The following CCDC178 variants were observed in gnomAD, a reference collection of about 807,000 sequenced individuals.
The protein encoded by CCDC178 is coiled-coil domain-containing protein 178.
In CCDC178, 126 loss-of-function variants were observed where a neutral mutation model predicts 117.4. The observed-to-expected ratio is 1.07, with a 90% CI of 0.93 to 1.24. The LOEUF is 1.24. Ranked by LOEUF, CCDC178 falls within the 50% of genes most tolerant of loss-of-function variation. CCDC178 has a pLI of 0.00. For synonymous variants in CCDC178, 283 were observed against 313.4 expected (o/e 0.90, Z 1.02); for missense variants, 1,030 against 986.9 (o/e 1.04, Z -0.59).
intron 21 of CCDC178, among the ~76,000 whole-genome samples, chr18:33,080,319 T>G (rs751015408): frequency 1.4e-4 from 21 of 152,270 alleles, no homozygotes; most frequent in Non-Finnish European, 2.5e-4. Context: ...ATAGGTACTA[T>G]GTTTAGTACC....
chr18:33,279,968 CTT>C (rs1008396965), intron 12 of CCDC178, among the ~76,000 whole-genome samples: 1 of 151,960 alleles, frequency 6.6e-6, no homozygotes, highest in African/African-American at 2.4e-5. Context: ...GGATTAAAGA[CTT>C]AAATATTAGA....
chr18:33,224,427 T>G (rs1330475113), intron 17 of CCDC178, among the ~76,000 whole-genome samples: 1 of 152,192 alleles, frequency 6.6e-6, no homozygotes, highest in Non-Finnish European at 1.5e-5. Flanking sequence ...TGTCAAGATC[T>G]CTTACATTTT....
intron 20 of CCDC178, among the ~76,000 whole-genome samples, chr18:33,114,285 T>A (rs1390283667): frequency 1.3e-5 from 2 of 152,020 alleles, no homozygotes. Flanking sequence ...TCAGAGAATG[T>A]CTGCAGCACA....
intron 18 of CCDC178, among the ~76,000 whole-genome samples, chr18:33,222,051 G>A (rs1293519752): frequency 6.6e-6 from 1 of 152,110 alleles, no homozygotes; most frequent in Non-Finnish European, 1.5e-5. Context: ...ATGCTCACTA[G>A]TTTAAGCATG....
At chr18:33,302,152 C>T (rs1599129851) in intron 11 of CCDC178, among the ~76,000 whole-genome samples, 2 of 152,242 alleles carry the variant, frequency 1.3e-5, no homozygotes, top group African/African-American at 4.8e-5. Flanking sequence ...CTCCCATTCT[C>T]ACCATGTGAC....
chr18:32,949,807 C>T (rs901374461), intron 22 of CCDC178, among the ~76,000 whole-genome samples: 1 of 151,964 alleles, frequency 6.6e-6, no homozygotes, highest in Non-Finnish European at 1.5e-5. Flanking sequence ...TTTTACCTTC[C>T]TTGGTGCTAG....
chr18:32,973,052 C>T (rs533007509), intron 22 of CCDC178, among the ~76,000 whole-genome samples: 24 of 152,140 alleles, frequency 1.6e-4, no homozygotes, highest in Admixed American at 3.3e-4. Flanking sequence ...TTCATTTCCA[C>T]TGTTATGTAA....
rs548256593 is a variant in CCDC178 at position 33,388,664 on chromosome 18, C to T, written c.208+876G>A. 7.4e-3 allele frequency among the ~76,000 whole-genome samples: 1,094 copies of T among 148,342 alleles called. 16 individuals are homozygous for T. Among genetic ancestry groups the T allele is most frequent in the African/African-American group, 0.025 (1,028 of 40,352 alleles). On this transcript the variant is annotated intron_variant, in intron 5 of 22. Transcript: ENST00000383096. ...CCTCCCAAGTAGCTGGGACTACAGG[C>T]GCCCGCCACTACGCCCGGCTAATTT...
chr18:33,128,518 T>C (rs1426150886), intron 20 of CCDC178, among the ~76,000 whole-genome samples: 1 of 152,188 alleles, frequency 6.6e-6, no homozygotes, highest in African/African-American at 2.4e-5. Flanking sequence ...GCCCTGAATT[T>C]CGTGAGGTCT....
chr18:33,078,103 A>G (rs927393216), intron 21 of CCDC178, among the ~76,000 whole-genome samples: 4 of 152,208 alleles, frequency 2.6e-5, no homozygotes, highest in Non-Finnish European at 5.9e-5. Flanking sequence ...AGTAGGCTTC[A>G]TCCTCGGGAT....
intron 14 of CCDC178, among the ~76,000 whole-genome samples, chr18:33,264,446 T>G (rs879864335): frequency 6.6e-6 from 1 of 152,082 alleles, no homozygotes; most frequent in Non-Finnish European, 1.5e-5. Context: ...TTTATTTTAC[T>G]GATTGTTTAT....
intron 12 of CCDC178, among the ~76,000 whole-genome samples, chr18:33,272,272 C>G (rs2059899975): frequency 6.6e-6 from 1 of 151,396 alleles, no homozygotes; most frequent in African/African-American, 2.4e-5. Context: ...TATTATAAAA[C>G]ATTTTATGCC....
chr18:33,337,203 G>C (rs1038366991), intron 9 of CCDC178, among the ~76,000 whole-genome samples: 3 of 149,858 alleles, frequency 2.0e-5, no homozygotes, highest in Non-Finnish European at 4.4e-5. Context: ...GGATGCTGTT[G>C]GTGTAGACCA....
intron 12 of CCDC178, among the ~76,000 whole-genome samples, chr18:33,287,976 T>C (rs1005439707): frequency 2.2e-4 from 34 of 152,160 alleles, no homozygotes; most frequent in Admixed American, 6.5e-5. Flanking sequence ...AGCATGATTA[T>C]TAAACCAAGG....
chr18:33,298,268 A>G (rs1013717285), intron 11 of CCDC178, among the ~76,000 whole-genome samples: 4 of 152,202 alleles, frequency 2.6e-5, no homozygotes, highest in South Asian at 4.1e-4. Context: ...TATCAAAATG[A>G]TAACACACCA....
At chr18:33,117,919 G>A (rs143911027) in intron 20 of CCDC178, among the ~76,000 whole-genome samples, 1 of 152,128 alleles carries the variant, frequency 6.6e-6, no homozygotes, top group African/African-American at 2.4e-5. Context: ...GGTACAAAGA[G>A]AGGCCCTGGA....
intron 22 of CCDC178, among the ~76,000 whole-genome samples, chr18:32,960,788 C>T (rs2054689323): frequency 2.0e-5 from 3 of 151,962 alleles, no homozygotes; most frequent in East Asian, 1.9e-4. Flanking sequence ...TAATCCTGCA[C>T]GAACTTTCTA....
At position 33,341,322 on chromosome 18, in the gene CCDC178, A is replaced by G. The variant is rs574577278; in HGVS notation, c.658+4889T>C. 2.9e-4 allele frequency among the ~76,000 whole-genome samples: 44 copies of G among 152,242 alleles called. 1 individual carries two copies. In the South Asian group the frequency reaches 9.1e-3, roughly 32 times the overall value. On this transcript the variant is annotated intron_variant, in intron 9 of 22. Coordinates refer to ENST00000383096, the MANE Select transcript of CCDC178 (RefSeq NM_001105528.4). ...CTAGGAAGTAACTAGCTTGCTTTTG[A>G]TTTTACAAGCTCATAGGCAGAAGGG...
chr18:33,102,935 G>A (rs1912391685), intron 20 of CCDC178, among the ~76,000 whole-genome samples: 3 of 151,790 alleles, frequency 2.0e-5, no homozygotes, highest in African/African-American at 7.3e-5. Flanking sequence ...CAGTGGCAGA[G>A]TTAAGTAATT....
Sources: allele counts gnomAD v4.1 joint callset (sites outside exome capture counted in the v4.1 genomes callset), GRCh38; gene constraint gnomAD v4.1.1; transcripts MANE v1.5; gene names NCBI Gene and HGNC (gene_info 2026-07-23, HGNC 2026-07-21).